The following PIERCE2 variants were observed in gnomAD, a reference collection of about 807,000 sequenced individuals.
PIERCE2 encodes the protein piercer of microtubule wall 2, also known as piercer of microtubule wall 2 protein.
the PIERCE2 span, chr15:55,418,299 G>T: frequency 6.5e-7 from 1 of 1,548,570 alleles, no homozygotes. Context: ...GTGAACCCTG[G>T]CAATCCTGTG....
chr15:55,416,013 A>G, the PIERCE2 span, among the ~76,000 whole-genome samples: 2 of 152,242 alleles, frequency 1.3e-5, no homozygotes, highest in East Asian at 3.8e-4. Context: ...TTCTTAGGAT[A>G]GAATTCACAA....
the PIERCE2 span, chr15:55,410,711 A>G: frequency 6.6e-6 from 1 of 152,190 alleles, no homozygotes; most frequent in Non-Finnish European, 1.5e-5. Flanking sequence ...AACAACAACA[A>G]CAACAAAATC....
chr15:55,414,550 T>C, the PIERCE2 span, among the ~76,000 whole-genome samples: 2 of 152,222 alleles, frequency 1.3e-5, no homozygotes, highest in African/African-American at 4.8e-5. Context: ...TTGTAAGTCT[T>C]CCAAAAAAGT....
the PIERCE2 span, among the ~76,000 whole-genome samples, chr15:55,411,784 G>A: frequency 6.6e-6 from 1 of 152,086 alleles, no homozygotes; most frequent in Non-Finnish European, 1.5e-5. Flanking sequence ...AGCCAGGCAT[G>A]GTGGTGCATG....
At chr15:55,413,267 CAAAA>C in the PIERCE2 span, among the ~76,000 whole-genome samples, 2 of 123,338 alleles carry the variant, frequency 1.6e-5, no homozygotes, top group Non-Finnish European at 3.6e-5. Context: ...GACTCCGTCT[CAAAA>C]AAAAAAAAAA....
At chr15:55,414,143 C>T in the PIERCE2 span, among the ~76,000 whole-genome samples, 5 of 151,568 alleles carry the variant, frequency 3.3e-5, no homozygotes, top group Admixed American at 3.3e-4. Flanking sequence ...GTGATCTGCC[C>T]GCCTCAGCTT....
chr15:55,408,865 A>C, the PIERCE2 span: 4 of 985,670 alleles, frequency 4.1e-6, no homozygotes, highest in South Asian at 1.6e-5. Context: ...TACTCCTACC[A>C]CCCCCAACCC....
At chr15:55,417,797 G>A in the PIERCE2 span, 3 of 217,680 alleles carry the variant, frequency 1.4e-5, no homozygotes, top group Non-Finnish European at 1.8e-5. Flanking sequence ...GGGTGGAGGC[G>A]GGCTGAGTCC....
At chr15:55,415,186 G>A in the PIERCE2 span, among the ~76,000 whole-genome samples, 3 of 151,600 alleles carry the variant, frequency 2.0e-5, no homozygotes, top group East Asian at 5.9e-4. Context: ...GGAAGGGCTT[G>A]GCCGGGCGTG....
chr15:55,418,698 T>C, the PIERCE2 span: 2 of 650,772 alleles, frequency 3.1e-6, no homozygotes, highest in African/African-American at 3.6e-5. Flanking sequence ...TTAAATAAAG[T>C]ATTTCAACTG....
At chr15:55,411,390 G>A in the PIERCE2 span, among the ~76,000 whole-genome samples, 1 of 152,026 alleles carries the variant, frequency 6.6e-6, no homozygotes, top group Non-Finnish European at 1.5e-5. Context: ...CTTGAACCTG[G>A]GACGCAGAGG....
the PIERCE2 span, among the ~76,000 whole-genome samples, chr15:55,412,667 C>G: frequency 2.6e-5 from 4 of 152,070 alleles, no homozygotes; most frequent in East Asian, 7.7e-4. Flanking sequence ...CTTGAGAAGC[C>G]AAGGCCTGAG....
At chr15:55,408,815 G>C in the PIERCE2 span, 1 of 1,495,928 alleles carries the variant, frequency 6.7e-7, no homozygotes, top group Non-Finnish European at 8.9e-7. Flanking sequence ...CTAGATGTTT[G>C]GGAATGTTGG....
chr15:55,412,624 G>C, the PIERCE2 span, among the ~76,000 whole-genome samples: 2 of 152,128 alleles, frequency 1.3e-5, no homozygotes, highest in African/African-American at 4.8e-5. Context: ...TTGACTGAAA[G>C]CTGGACACTG....
At chr15:55,414,229 A>G in the PIERCE2 span, among the ~76,000 whole-genome samples, 1 of 143,744 alleles carries the variant, frequency 7.0e-6, no homozygotes, top group African/African-American at 2.6e-5. Context: ...TTTTTGAGAC[A>G]GAGTTTCACT....
chr15:55,417,804 G>A, the PIERCE2 span: 2 of 230,166 alleles, frequency 8.7e-6, no homozygotes, highest in South Asian at 9.7e-5. Context: ...GGCGGGCTGA[G>A]TCCGAAAAGA....
chr15:55,414,510 A>T, the PIERCE2 span, among the ~76,000 whole-genome samples: 1 of 152,232 alleles, frequency 6.6e-6, no homozygotes, highest in Non-Finnish European at 1.5e-5. Flanking sequence ...TAGAAATGCA[A>T]ATGAAATTAA....
the PIERCE2 span, among the ~76,000 whole-genome samples, chr15:55,409,926 T>A: frequency 6.6e-6 from 1 of 152,218 alleles, no homozygotes; most frequent in Non-Finnish European, 1.5e-5. Flanking sequence ...TTTTATCATT[T>A]AATAAAAGTT....
the PIERCE2 span, chr15:55,408,905 A>C: frequency 1.5e-6 from 1 of 645,866 alleles, no homozygotes; most frequent in African/African-American, 1.9e-5. Flanking sequence ...TTACAAGGCA[A>C]CTACTGAGCT....
Sources: allele counts gnomAD v4.1 joint callset (sites outside exome capture counted in the v4.1 genomes callset), GRCh38; gene constraint gnomAD v4.1.1; transcripts MANE v1.5; gene names NCBI Gene and HGNC (gene_info 2026-07-23, HGNC 2026-07-21).